Variants in AGRN observed in about 807,000 individuals in gnomAD.
AGRN encodes the protein agrin.
Under a neutral mutation model 211.0 loss-of-function variants are expected in AGRN, and 106 were observed. The observed-to-expected ratio is 0.50, with a 90% CI of 0.43 to 0.59. The LOEUF is 0.59. AGRN is among the 20% of genes least tolerant of loss of function. The probability of loss-of-function intolerance (pLI) is 0.00; values close to 1 mark genes in which losing one functional copy is unlikely to be tolerated. For missense variants in AGRN, 3,040 were observed against 2,982.6 expected (o/e 1.02, Z -0.45); for synonymous variants, 1,525 against 1,332.5 (o/e 1.14, Z -3.15).
chr1:1,049,922 GAA>G lies in AGRN; in HGVS notation c.4765_4766del (p.Lys1589GlufsTer31). 1 of 1,612,194 alleles carries G rather than the reference GAA, an allele frequency of 6.2e-7. No individual in the cohort carries two copies. Among genetic ancestry groups the G allele is most frequent in the Non-Finnish European group, 8.5e-7 (1 of 1,179,732 alleles). On this transcript the variant is annotated frameshift_variant, in exon 27 of 36. Coordinates refer to ENST00000379370, the MANE Select transcript of AGRN (RefSeq NM_198576.4). LOFTEE classifies it high-confidence loss of function. ...ATCCAGGACCAACCTGTGCCGATGA[GAA>G]GAGCCCCTGCCAGCCCAACCCCTGC... is the stretch of plus-strand genomic sequence containing the variant. ...GRVGPTCADE[K>X]SPCQPNPCHG...
rs1557701167 is a variant in AGRN at position 1,041,545 on chromosome 1, TGAGATGCTCCTACGGCCC to T, written c.1025_1042del (p.Met342_Glu347del). On this transcript the variant is annotated inframe_deletion, in exon 6 of 36. Coordinates refer to ENST00000379370, the MANE Select transcript of AGRN (RefSeq NM_198576.4). ...GTGTGAACCCGCGCACGCGGCGCCCTGAGATGCTCCTACGGCCCGAGAGCTGCCCTGCCCGGCAGGCGC... is the reference window on the plus strand; with the variant it reads ...GTGTGAACCCGCGCACGCGGCGCCCTGAGAGCTGCCCTGCCCGGCAGGCGC... 2 of 1,607,296 alleles carry T rather than the reference TGAGATGCTCCTACGGCCC, an allele frequency of 1.2e-6. No individual in the cohort carries two copies. The highest frequency in any genetic ancestry group is 1.1e-5 in the South Asian group (1 of 90,966).
At chr1:1,023,201 C>T (rs1258190113) in intron 2 of AGRN, among the ~76,000 whole-genome samples, 2 of 152,228 alleles carry the variant, frequency 1.3e-5, no homozygotes, top group East Asian at 1.9e-4. Context: ...CTCAAGGCAA[C>T]GGTAAGGGTC....
chr1:1,046,828 C>A lies in AGRN; in HGVS notation c.3259C>A (p.Pro1087Thr), dbSNP rs1478334433. 6 of 1,584,134 alleles carry A rather than the reference C, an allele frequency of 3.8e-6. No individual in the cohort carries two copies. The East Asian group carries it at 1.1e-4, about 30-fold the overall frequency. ...ASGGGSGGLEPLEGSSVATPG... is the reference protein window; with the variant it reads ...ASGGGSGGLETLEGSSVATPG... ...AGAGCGCGTCTCCCCAGGGCTCGAG[C>A]CCTTGGAGGGCAGCAGCGTGGCCAC... The change falls in exon 19 of 36, where the codon CCC (proline) becomes ACC (threonine). Residue 1087 changes from proline (P) to threonine (T), a missense_variant. Around this residue, in one of 3 missense-constraint regions of AGRN, gnomAD observed 1,537 missense variants for 1,505.0 expected, o/e 1.02. Coordinates refer to ENST00000379370, the MANE Select transcript of AGRN (RefSeq NM_198576.4).
chr1:1,035,210 G>A, intron 2 of AGRN, 67 bp from the exon 3 acceptor site: 1 of 1,576,154 alleles, frequency 6.3e-7, no homozygotes, highest in East Asian at 2.2e-5. Flanking sequence ...TTCCAGGCTG[G>A]GCAAAGGGAT....
At position 1,049,120 on chromosome 1, in the gene AGRN, G is replaced by C. The variant is rs1373974688; in HGVS notation, c.4298+61G>C. 83 of 915,402 alleles carry C rather than the reference G, an allele frequency of 9.1e-5. 5 individuals are homozygous for C. In the South Asian group the frequency reaches 1.4e-3, roughly 16 times the overall value. 56.7% of individuals were successfully genotyped at this position (915,402 alleles called of 1,614,324 possible). Reference sequence around the variant, plus strand: ...GTGGGCGGGGAGGGGACGGGCGGGGGAGGGGGGGCCGGGGCAGCTCAGGTG... The same window carrying C: ...GTGGGCGGGGAGGGGACGGGCGGGGCAGGGGGGGCCGGGGCAGCTCAGGTG... On this transcript the variant is annotated intron_variant, in intron 24 of 35. Coordinates refer to ENST00000379370, the MANE Select transcript of AGRN (RefSeq NM_198576.4).
At position 1,050,473 on chromosome 1, in the gene AGRN, G is replaced by A. The variant is rs764160563; in HGVS notation, c.5023G>A (p.Gly1675Ser). 11 of 1,612,798 alleles carry A rather than the reference G, an allele frequency of 6.8e-6. No individual in the cohort carries two copies. The East Asian group carries it at 1.3e-4, about 20-fold the overall frequency. The change falls in exon 29 of 36, where the codon GGC becomes AGC. Residue 1675 changes from glycine to serine, a missense_variant. This residue lies in a region of AGRN where 1,537 missense variants were observed against 1,505.0 expected (regional missense o/e 1.02). Coordinates refer to ENST00000379370, the MANE Select transcript of AGRN (RefSeq NM_198576.4). ...CGTGTTCCTGGCACGAGGCCCCAGC[G>A]GCCTCCTGCTCTACAACGGGCAGAA... ...EVVFLARGPSGLLLYNGQKTD... is the reference protein window; with the variant it reads ...EVVFLARGPSSLLLYNGQKTD...
chr1:1,054,199 C>A (rs139376381), intron 34 of AGRN, among the ~76,000 whole-genome samples: 2 of 152,196 alleles, frequency 1.3e-5, no homozygotes, highest in African/African-American at 4.8e-5. Flanking sequence ...CGGAGCCTGC[C>A]GGGGGTCGCT....
rs186752276 is a variant in AGRN at position 1,051,874 on chromosome 1, G to A, written c.5651+59G>A. 1.7e-4 allele frequency: 278 copies of A among 1,600,674 alleles called. 1 individual carries two copies. In the African/African-American group the frequency reaches 2.8e-3, roughly 16 times the overall value. ...ATCTGTGCCCTCGGGGCGGGACACC[G>A]GACCCCCACACCAGGAGGGCCCAGG... On this transcript the variant is annotated intron_variant, in intron 33 of 35. Transcript: ENST00000379370.
At chr1:1,040,999 G>A (rs1644916210) in intron 4 of AGRN, 119 bp downstream of exon 4, 1 of 331,056 alleles carries the variant, frequency 3.0e-6, no homozygotes, top group Non-Finnish European at 4.6e-6. Context: ...CGGCGGGGAG[G>A]AGCGGGGCTG....
chr1:1,047,825 C>T lies in AGRN; in HGVS notation c.3681C>T (p.Ile1227=). 6.2e-7 allele frequency: 1 copy of T among 1,603,802 alleles called. No homozygotes were observed. Among genetic ancestry groups the T allele is most frequent in the South Asian group, 1.1e-5 (1 of 89,950 alleles). The part of the protein sequence containing the change: ...PDVARALLRQ[I]QVSRRRSLGV... Reference sequence around the variant, plus strand: ...TGGCCCGGGCCCTGCTCCGGCAGATCCAGGTGTCCAGGCGCCGGTCCTTGG... The same window carrying T: ...TGGCCCGGGCCCTGCTCCGGCAGATTCAGGTGTCCAGGCGCCGGTCCTTGG... Residue 1227 remains isoleucine, a synonymous_variant, in exon 22 of 36, where the codon ATC becomes ATT. Transcript: ENST00000379370.
Position 1,048,844 on chromosome 1 carries a change from G to T in AGRN, c.4106-23G>T. ...GGAATCCTCGGAGCTTTTCCAGCCG[G>T]CCCTCCCGGTCGCCCTTTGCAGTGC... On this transcript the variant is annotated intron_variant, in intron 23 of 35. Coordinates refer to ENST00000379370, the MANE Select transcript of AGRN (RefSeq NM_198576.4). The surrounding 1 kb of genome is among the most constrained non-coding windows in gnomAD (Gnocchi z 5.9). 3 of 1,521,326 alleles carry T rather than the reference G, an allele frequency of 2.0e-6. No individual in the cohort carries two copies. Among genetic ancestry groups the T allele is most frequent in the East Asian group, 2.5e-5 (1 of 40,378 alleles). 94.2% of individuals were successfully genotyped at this position (1,521,326 alleles called of 1,614,324 possible).
At chr1:1,045,596 C>T in intron 14 of AGRN, 73 bp downstream of exon 14, 1 of 1,604,096 alleles carries the variant, frequency 6.2e-7, no homozygotes, top group Non-Finnish European at 8.5e-7. Flanking sequence ...TGTGCTTCTC[C>T]TCACCTGCCC....
chr1:1,039,579 T>C (rs1644880790), intron 3 of AGRN, among the ~76,000 whole-genome samples: 1 of 146,370 alleles, frequency 6.8e-6, no homozygotes, highest in African/African-American at 2.5e-5. Flanking sequence ...TGGGCCATGC[T>C]GGGGGTGGGG....
At chr1:1,026,509 A>G (rs1644524368) in intron 2 of AGRN, among the ~76,000 whole-genome samples, 3 of 152,130 alleles carry the variant, frequency 2.0e-5, no homozygotes. Flanking sequence ...CTCTGCCCCC[A>G]TCACTGCAGG....
At chr1:1,040,613 A>T (rs1028053782) in intron 3 of AGRN, 52 bp from the exon 4 acceptor site, 1 of 1,529,062 alleles carries the variant, frequency 6.5e-7, no homozygotes, top group African/African-American at 1.5e-5. Context: ...AGGCTTGTGG[A>T]CGTGGGTACG....
rs542107529 is a variant in AGRN at position 1,020,455 on chromosome 1, C to T, written c.201+82C>T. 2.3e-3 allele frequency: 3,116 copies of T among 1,336,688 alleles called. 51 individuals carry two copies. The African/African-American group carries it at 0.043, about 18-fold the overall frequency. The allele number at this position is 1,336,688 out of a possible 1,614,324, so 82.8% of individuals were successfully genotyped here. On this transcript the variant is annotated intron_variant, in intron 1 of 35. Transcript: ENST00000379370. Reference sequence around the variant, plus strand: ...CCCGCCCCAGGCCGTGGGAACCAGCCCCGGTCGCTCCGCAGCCCCCGCTCC... The same window carrying T: ...CCCGCCCCAGGCCGTGGGAACCAGCTCCGGTCGCTCCGCAGCCCCCGCTCC...
intron 19 of AGRN, 138 bp downstream of exon 19, chr1:1,047,095 G>T: frequency 7.0e-7 from 1 of 1,434,436 alleles, no homozygotes; most frequent in Non-Finnish European, 9.4e-7. Context: ...GCGTGCCGGG[G>T]ACCCCACGCC....
At chr1:1,038,236 G>A (rs976549997) in intron 3 of AGRN, among the ~76,000 whole-genome samples, 14 of 152,214 alleles carry the variant, frequency 9.2e-5, no homozygotes, top group African/African-American at 3.4e-4. Context: ...AGGCCCTGGA[G>A]GCAGAGGGGA....
intron 3 of AGRN, among the ~76,000 whole-genome samples, chr1:1,039,314 G>A (rs1644872633): frequency 6.6e-6 from 1 of 151,858 alleles, no homozygotes; most frequent in Admixed American, 6.6e-5. Context: ...TGGGGTGGGG[G>A]CAGGGACACC....
Sources: gnomAD v4.1 joint callset for allele counts (sites outside exome capture counted in the v4.1 genomes callset) on GRCh38, gnomAD v4.1.1 for gene constraint, gnomAD v4.1.1 regional missense constraint, Gnocchi (gnomAD v3.1) non-coding constraint, MANE v1.5 for transcripts, NCBI Gene and HGNC (gene_info 2026-07-23, HGNC 2026-07-21) for gene names.